The following PTAFR variants were observed in gnomAD, a reference collection of about 807,000 sequenced individuals.
PTAFR encodes the protein platelet-activating factor receptor.
Under a neutral mutation model 14.7 loss-of-function variants are expected in PTAFR, and 8 were observed. The ratio of observed to expected loss-of-function variants is 0.54; its 90% confidence interval spans 0.32 to 0.98. The LOEUF is 0.98. Among genes scored for constraint, PTAFR ranks in the 50% least tolerant of loss-of-function variants. The pLI is 0.04. For missense variants in PTAFR, 337 were observed against 451.2 expected, an observed-to-expected ratio of 0.75 and a Z score of 2.29; for synonymous variants, 156 against 176.5, an observed-to-expected ratio of 0.88 and a Z score of 0.92.
At chr1:28,156,883 G>A (rs2148994822) in intron 1 of PTAFR, among the ~76,000 whole-genome samples, 1 of 152,206 alleles carries the variant, frequency 6.6e-6, no homozygotes, top group East Asian at 1.9e-4. Context: ...GTGGCTGGGG[G>A]CAGCTCACAG....
rs1311270659 is a variant in PTAFR, at chr1:28,147,860, G to T, written c.*2133C>A. Reference sequence around the variant, plus strand: ...ATGACCCTAAGAGGTAGGAAATTCAGTGCCTGGTCCCTCAGCAGGAAATGA... The same window carrying T: ...ATGACCCTAAGAGGTAGGAAATTCATTGCCTGGTCCCTCAGCAGGAAATGA... On this transcript the variant is annotated 3_prime_UTR_variant, in exon 2 of 2. Coordinates refer to ENST00000373857, the MANE Select transcript of PTAFR (RefSeq NM_000952.5). 2 of 152,148 alleles carry T rather than the reference G, an allele frequency of 1.3e-5. No homozygotes were observed. Among genetic ancestry groups the T allele is most frequent in the African/African-American group, 4.8e-5 (2 of 41,384 alleles). 9.4% of individuals were successfully genotyped at this position (152,148 alleles called of 1,614,324 possible). A position where few individuals can be genotyped will look rare whatever the true frequency, so the allele number is the denominator to read the frequency against.
chr1:28,154,604 G>C (rs889459881), intron 1 of PTAFR, among the ~76,000 whole-genome samples: 2 of 152,036 alleles, frequency 1.3e-5, no homozygotes, highest in Non-Finnish European at 1.5e-5. Context: ...CTGAGCTTAG[G>C]AGTTCGAGAC....
At chr1:28,165,498 T>A (rs142539460) in intron 1 of PTAFR, among the ~76,000 whole-genome samples, 2 of 148,592 alleles carry the variant, frequency 1.3e-5, no homozygotes, top group East Asian at 4.0e-4. Context: ...AAAACATTGC[T>A]GAAGGTCAGG....
At chr1:28,168,093 G>A (rs1646409700) in intron 1 of PTAFR, among the ~76,000 whole-genome samples, 2 of 150,534 alleles carry the variant, frequency 1.3e-5, no homozygotes, top group Admixed American at 1.3e-4. Flanking sequence ...CGAGTAGCTG[G>A]GACTACAGGT....
At chr1:28,173,577 G>A (rs1344745530) in intron 1 of PTAFR, among the ~76,000 whole-genome samples, 3 of 151,920 alleles carry the variant, frequency 2.0e-5, no homozygotes, top group Admixed American at 6.6e-5. Flanking sequence ...CTTGAGCCCA[G>A]GAGATCGAGG....
intron 1 of PTAFR, among the ~76,000 whole-genome samples, chr1:28,160,473 A>G (rs966746294): frequency 1.3e-5 from 2 of 151,190 alleles, no homozygotes; most frequent in Non-Finnish European, 2.9e-5. Context: ...GAAACTGAGG[A>G]AGGAGGATGG....
intron 1 of PTAFR, among the ~76,000 whole-genome samples, chr1:28,157,822 G>C (rs927721973): frequency 6.6e-6 from 1 of 151,062 alleles, no homozygotes; most frequent in Non-Finnish European, 1.5e-5. Flanking sequence ...GGTAGAGATG[G>C]GGTTTCACCA....
chr1:28,190,215 G>T (rs1006263225), intron 1 of PTAFR, among the ~76,000 whole-genome samples: 5 of 147,872 alleles, frequency 3.4e-5, no homozygotes, highest in African/African-American at 1.3e-4. Context: ...CAGATGATCC[G>T]CCTGCCTGGG....
At chr1:28,178,207 C>A (rs1410498393), upstream of PTAFR, among the ~76,000 whole-genome samples, 1 of 152,132 alleles carries the variant, frequency 6.6e-6, no homozygotes, top group Non-Finnish European at 1.5e-5. Context: ...CTCCTAATGT[C>A]CCTTATCAAA....
chr1:28,169,630 T>TG (rs1225841366), intron 1 of PTAFR, among the ~76,000 whole-genome samples: 3 of 152,084 alleles, frequency 2.0e-5, no homozygotes, highest in African/African-American at 7.2e-5. Flanking sequence ...GGTCCCTCAC[T>TG]GAAAATGGAG....
Position 28,149,879 on chromosome 1 carries a change from A to G in PTAFR, c.*114T>C. ...CCAGGTGAGGTAGCCTCCAAATCTA[A>G]TGGCCCACCAGTGCCCACAGAGGTG... On this transcript the variant is annotated 3_prime_UTR_variant, in exon 2 of 2. Coordinates refer to ENST00000373857, the MANE Select transcript of PTAFR (RefSeq NM_000952.5). The G allele has an allele frequency of 7.3e-7, 1 of 1,372,858 alleles. No individual in the cohort carries two copies. Among genetic ancestry groups the G allele is most frequent in the Middle Eastern group, 2.6e-4 (1 of 3,884 alleles). The allele number at this position is 1,372,858 out of a possible 1,614,324, so 85.0% of individuals were successfully genotyped here.
chr1:28,177,245 G>A (rs1186104401), upstream of PTAFR: 1 of 152,402 alleles, frequency 6.6e-6, no homozygotes, highest in African/African-American at 2.4e-5. Context: ...AATAAAAGAA[G>A]GGGAGTGGAG....
rs547378443 is a variant in PTAFR, at chr1:28,151,673, A to T, written c.-38-614T>A. 6.0e-4 allele frequency among the ~76,000 whole-genome samples: 91 copies of T among 152,190 alleles called. No individual in the cohort carries two copies. In the South Asian group the frequency reaches 8.1e-3, roughly 14 times the overall value. On this transcript the variant is annotated intron_variant, in intron 1 of 1. Coordinates refer to ENST00000373857, the MANE Select transcript of PTAFR (RefSeq NM_000952.5). The stretch of plus-strand genomic sequence containing the variant: ...AGACTCTGTCTCACACAAAAAAAAA[A>T]AATAATAATTCTTTAAAAAGGGGCT...
upstream of PTAFR, among the ~76,000 whole-genome samples, chr1:28,181,034 A>G (rs1646558294): frequency 6.6e-6 from 1 of 151,950 alleles, no homozygotes; most frequent in Admixed American, 6.6e-5. Context: ...CAGTGGCGCG[A>G]TCTCAGTCTC....
chr1:28,167,949 T>G (rs1322267949), intron 1 of PTAFR, among the ~76,000 whole-genome samples: 2 of 94,530 alleles, frequency 2.1e-5, no homozygotes, highest in African/African-American at 4.3e-5. Context: ...GAAAACCAGA[T>G]CTTTTTTTTT....
intron 1 of PTAFR, among the ~76,000 whole-genome samples, chr1:28,168,053 G>T (rs1646408819): frequency 6.9e-6 from 1 of 145,116 alleles, no homozygotes; most frequent in Non-Finnish European, 1.5e-5. Context: ...CCGCCTCCCG[G>T]GTTCACGCCA....
At position 28,169,999 on chromosome 1, in the gene PTAFR, C is replaced by CAA. The variant is rs55770214; in HGVS notation, c.-39+6591_-39+6592dup. Among the ~76,000 whole-genome samples, 60 of 122,952 alleles carry CAA rather than the reference C, an allele frequency of 4.9e-4. 1 individual carries two copies. Among genetic ancestry groups the CAA allele is most frequent in the Middle Eastern group, 8.9e-3 (2 of 224 alleles). 80.7% of individuals were successfully genotyped at this position (122,952 alleles called of 152,430 possible). On this transcript the variant is annotated intron_variant, in intron 1 of 1. Transcript: ENST00000373857. ...TGGGCGACAGAGCGAGACTCCATCT[C>CAA]AAAAAAAAAAAAAAAAGAAGATGCC...
At chr1:28,161,760 C>G (rs1243458705) in intron 1 of PTAFR, among the ~76,000 whole-genome samples, 1 of 152,192 alleles carries the variant, frequency 6.6e-6, no homozygotes, top group Non-Finnish European at 1.5e-5. Context: ...TTAAGGCCCT[C>G]TCCTAGGCCC....
intron 1 of PTAFR, among the ~76,000 whole-genome samples, chr1:28,167,788 G>A (rs1046490921): frequency 1.1e-4 from 17 of 151,170 alleles, no homozygotes; most frequent in African/African-American, 4.1e-4. Context: ...ACAGGCACCC[G>A]CCACCTCGCC....
Sources: gnomAD v4.1 joint callset for allele counts (sites outside exome capture counted in the v4.1 genomes callset) on GRCh38, gnomAD v4.1.1 for gene constraint, MANE v1.5 for transcripts, NCBI Gene and HGNC (gene_info 2026-07-23, HGNC 2026-07-21) for gene names.